Variants in KCNK2 observed in about 807,000 individuals in gnomAD.
KCNK2 encodes the protein potassium channel subfamily K member 2.
A neutral mutation model predicts 40.5 loss-of-function variants in KCNK2; 21 were observed. That is an observed-to-expected ratio of 0.52 (90% CI 0.37 to 0.75). The LOEUF (loss-of-function observed/expected upper bound fraction) is 0.75. KCNK2 is among the 30% of genes least tolerant of loss of function. The pLI is 0.00. For missense variants in KCNK2, 399 were observed against 531.6 expected (o/e 0.75, Z 2.45); for synonymous variants, 191 against 202.2 (o/e 0.94, Z 0.47).
At chr1:215,028,115 C>T (rs906324257) in intron 1 of KCNK2, among the ~76,000 whole-genome samples, 5 of 151,990 alleles carry the variant, frequency 3.3e-5, no homozygotes, top group East Asian at 1.9e-4. Flanking sequence ...GGCTGGGCAC[C>T]GTGGCTCCCG....
chr1:215,182,605 C>T (rs190913751), intron 5 of KCNK2, among the ~76,000 whole-genome samples: 11 of 152,210 alleles, frequency 7.2e-5, no homozygotes, highest in South Asian at 2.1e-4. Context: ...AGGCCTGTGA[C>T]GGAGGAGAGC....
intron 3 of KCNK2, among the ~76,000 whole-genome samples, chr1:215,128,407 A>T (rs911443259): frequency 3.9e-5 from 6 of 152,180 alleles, no homozygotes; most frequent in African/African-American, 1.4e-4. Flanking sequence ...GATCTGTGCT[A>T]CTTCTGCTGC....
chr1:215,190,716 ATG>A (rs1664631355), intron 5 of KCNK2, among the ~76,000 whole-genome samples: 1 of 152,144 alleles, frequency 6.6e-6, no homozygotes, highest in South Asian at 2.1e-4. Flanking sequence ...GAAGCTGGCA[ATG>A]TGACTTAGTT....
At chr1:215,073,951 A>G (rs11120483) in intron 1 of KCNK2, among the ~76,000 whole-genome samples, 38,358 of 152,044 alleles carry the variant, frequency 0.25, 6,991 homozygotes, top group African/African-American at 0.52. Context: ...CTAGTGCGGG[A>G]TTTTAATGAG....
chr1:215,193,406 C>T (rs17614419), intron 5 of KCNK2, among the ~76,000 whole-genome samples: 2,309 of 150,116 alleles, frequency 0.015, 33 homozygotes, highest in Non-Finnish European at 0.025. Context: ...TCAAGCACTT[C>T]GAACCTGTCA....
chr1:215,132,733 T>G (rs1661733670), intron 3 of KCNK2, among the ~76,000 whole-genome samples: 1 of 152,238 alleles, frequency 6.6e-6, no homozygotes, highest in Admixed American at 6.5e-5. Context: ...AAAATCTTCA[T>G]GTAGGCTTAT....
chr1:215,227,247 G>A (rs971863620), intron 6 of KCNK2, among the ~76,000 whole-genome samples: 3 of 152,198 alleles, frequency 2.0e-5, no homozygotes, highest in African/African-American at 7.2e-5. Flanking sequence ...GTAATGCTAA[G>A]GAAGTACAGA....
chr1:215,149,914 A>G (rs1170757576), intron 3 of KCNK2, among the ~76,000 whole-genome samples: 1 of 152,232 alleles, frequency 6.6e-6, no homozygotes, highest in Non-Finnish European at 1.5e-5. Context: ...AGAGAGGGCT[A>G]CCACGAAGCA....
chr1:215,086,723 A>C, intron 2 of KCNK2, 45 bp downstream of exon 2: 1 of 1,550,376 alleles, frequency 6.5e-7, no homozygotes, highest in Non-Finnish European at 8.8e-7. Flanking sequence ...CCAAATGGGA[A>C]ATAAAGTGAT....
At chr1:215,232,974 G>A (rs935512068) in intron 6 of KCNK2, among the ~76,000 whole-genome samples, 3 of 152,216 alleles carry the variant, frequency 2.0e-5, no homozygotes, top group South Asian at 2.1e-4. Flanking sequence ...AGCCAAATCC[G>A]AATGACTGGG....
At chr1:215,195,154 A>G in intron 6 of KCNK2, 62 bp downstream of exon 6, 1 of 1,243,050 alleles carries the variant, frequency 8.0e-7, no homozygotes, top group Non-Finnish European at 1.1e-6. Context: ...GTTATTTTAA[A>G]TTATTTTTAT....
intron 3 of KCNK2, among the ~76,000 whole-genome samples, chr1:215,134,407 AG>A (rs1287669460): frequency 6.6e-6 from 1 of 152,196 alleles, no homozygotes; most frequent in Non-Finnish European, 1.5e-5. Context: ...TTTATTACAA[AG>A]GGTATTACAA....
chr1:215,051,050 C>T (rs1041482217), intron 1 of KCNK2, among the ~76,000 whole-genome samples: 15 of 152,142 alleles, frequency 9.9e-5, no homozygotes, highest in African/African-American at 3.6e-4. Context: ...CTATGGTTGC[C>T]TTAATAACCT....
intron 5 of KCNK2, among the ~76,000 whole-genome samples, chr1:215,187,850 A>T (rs561245084): frequency 0.013 from 1,770 of 131,874 alleles, 34 homozygotes; most frequent in African/African-American, 0.05. Context: ...TCAAAAATTT[A>T]AAAAAAAAAA....
intron 2 of KCNK2, among the ~76,000 whole-genome samples, chr1:215,105,041 C>T (rs762926345): frequency 1.3e-5 from 2 of 151,984 alleles, no homozygotes; most frequent in Non-Finnish European, 2.9e-5. Context: ...TTATATCAGG[C>T]ACTTAATTTT....
chr1:215,009,497 A>T (rs1375133590), intron 1 of KCNK2, among the ~76,000 whole-genome samples: 1 of 152,060 alleles, frequency 6.6e-6, no homozygotes, highest in Non-Finnish European at 1.5e-5. Flanking sequence ...GAGAGAAGCT[A>T]TGTTTACTTC....
intron 5 of KCNK2, among the ~76,000 whole-genome samples, chr1:215,187,075 TC>T (rs1340411699): frequency 6.6e-6 from 1 of 152,154 alleles, no homozygotes; most frequent in Non-Finnish European, 1.5e-5. Context: ...GCTCAAGTAA[TC>T]CTCTTGCCTC....
At chr1:215,208,159 A>G (rs1348469556) in intron 6 of KCNK2, among the ~76,000 whole-genome samples, 7 of 152,204 alleles carry the variant, frequency 4.6e-5, no homozygotes, top group South Asian at 2.1e-4. Flanking sequence ...CATATACACC[A>G]TAGAATACTA....
intron 1 of KCNK2, among the ~76,000 whole-genome samples, chr1:215,036,887 A>C (rs918665253): frequency 2.0e-5 from 3 of 151,754 alleles, no homozygotes; most frequent in Non-Finnish European, 1.5e-5. Flanking sequence ...TGCAACCTTG[A>C]TAAATTCACT....
Sources: gnomAD v4.1 joint callset for allele counts (sites outside exome capture counted in the v4.1 genomes callset) on GRCh38, gnomAD v4.1.1 for gene constraint, MANE v1.5 for transcripts, NCBI Gene and HGNC (gene_info 2026-07-23, HGNC 2026-07-21) for gene names.